The following FAM168B variants were observed in gnomAD, a reference collection of about 807,000 sequenced individuals.
FAM168B encodes the protein family with sequence similarity 168 member B, also known as myelin-associated neurite-outgrowth inhibitor.
In FAM168B, 19 loss-of-function variants were observed where a neutral mutation model predicts 21.8. The observed-to-expected ratio is 0.87, with a 90% CI of 0.61 to 1.28. The LOEUF (loss-of-function observed/expected upper bound fraction) is 1.28, where lower values mean the gene tolerates loss of function less well. FAM168B is among the 50% of genes most tolerant of loss of function. The probability of loss-of-function intolerance (pLI) is 0.00; values close to 1 mark genes in which losing one functional copy is unlikely to be tolerated. For missense variants in FAM168B, 233 were observed against 263.1 expected, an observed-to-expected ratio of 0.89 and a Z score of 0.79; for synonymous variants, 126 against 104.8, an observed-to-expected ratio of 1.20 and a Z score of -1.24.
chr2:131,087,375 C>T lies in FAM168B; in HGVS notation c.-11-4718G>A, dbSNP rs1000086550. 7.9e-5 allele frequency among the ~76,000 whole-genome samples: 12 copies of T among 151,758 alleles called. No individual in the cohort carries two copies. In the East Asian group the frequency reaches 1.4e-3, roughly 17 times the overall value. On this transcript the variant is annotated intron_variant, in intron 1 of 6. Transcript: ENST00000389915. ...TAATCCCAGCTACACAGGAGGCTGA[C>T]GCAGGAGAATCACTTGAATCTGGGA...
In FAM168B at chr2:131,048,058, T is replaced by A. The variant is rs576517224; in HGVS notation, c.*4407A>T. 1.1e-5 allele frequency: 6 copies of A among 548,750 alleles called. No individual in the cohort carries two copies. In the East Asian group the frequency reaches 4.8e-4, roughly 44 times the overall value. 34.0% of individuals were successfully genotyped at this position (548,750 alleles called of 1,614,324 possible). Reference sequence around the variant, plus strand: ...AGGATGGAAATTCCATTCCTTGGCATGGATACGTAAGTTCAATGCAGAGGT... The same window carrying A: ...AGGATGGAAATTCCATTCCTTGGCAAGGATACGTAAGTTCAATGCAGAGGT... On this transcript the variant is annotated 3_prime_UTR_variant, in exon 7 of 7. Coordinates refer to ENST00000389915, the MANE Select transcript of FAM168B (RefSeq NM_001009993.4).
chr2:131,058,602 T>C (rs1031367202), intron 3 of FAM168B, among the ~76,000 whole-genome samples: 1 of 152,184 alleles, frequency 6.6e-6, no homozygotes, highest in African/African-American at 2.4e-5. Context: ...TAACCGTAAA[T>C]AGAAACACTG....
chr2:131,092,005 G>T (rs1322991090), intron 1 of FAM168B, among the ~76,000 whole-genome samples: 1 of 151,596 alleles, frequency 6.6e-6, no homozygotes, highest in Admixed American at 6.6e-5. Context: ...TTAGCCAGGC[G>T]TGGTGGCGGG....
intron 1 of FAM168B, among the ~76,000 whole-genome samples, chr2:131,092,312 A>G (rs1694074954): frequency 6.6e-6 from 1 of 152,218 alleles, no homozygotes; most frequent in Non-Finnish European, 1.5e-5. Context: ...CAAAATTAGA[A>G]TAGCCTTACA....
At chr2:131,059,647 T>TAGACTTCAAAGTTGGGAATCTCATTCC (rs1692195250) in intron 3 of FAM168B, among the ~76,000 whole-genome samples, 1 of 152,214 alleles carries the variant, frequency 6.6e-6, no homozygotes, top group South Asian at 2.1e-4. Context: ...GAACAGATGC[T>TAGACTTCAAAGTTGGGAATCTCATTCC]AGACTTCAAA....
At chr2:131,084,140 T>TCCG (rs1016793811) in intron 1 of FAM168B, among the ~76,000 whole-genome samples, 2 of 151,890 alleles carry the variant, frequency 1.3e-5, no homozygotes, top group African/African-American at 4.8e-5. Flanking sequence ...GACCTCGTGA[T>TCCG]CCGCCCACCT....
In FAM168B at chr2:131,049,381, C is replaced by T. The variant is rs1310337714; in HGVS notation, c.*3084G>A. 1.1e-5 allele frequency: 11 copies of T among 985,338 alleles called. No individual in the cohort carries two copies. The highest frequency in any genetic ancestry group is 2.3e-4 in the East Asian group (2 of 8,828). 61.0% of individuals were successfully genotyped at this position (985,338 alleles called of 1,614,324 possible). A position where few individuals can be genotyped will look rare whatever the true frequency, so the allele number is the denominator to read the frequency against. On this transcript the variant is annotated 3_prime_UTR_variant, in exon 7 of 7. Coordinates refer to ENST00000389915, the MANE Select transcript of FAM168B (RefSeq NM_001009993.4). ...CACTCAAGAAGGTTTCCCAGAATAG[C>T]GACAGGTAGGCCTACAAACCACACC...
rs1388182439 is a variant in FAM168B at position 131,069,813 on chromosome 2, G to T, written c.154+2042C>A. Among the ~76,000 whole-genome samples, 3 of 147,314 alleles carry T rather than the reference G, an allele frequency of 2.0e-5. No homozygotes were observed. The East Asian group carries it at 6.4e-4, about 31-fold the overall frequency. ...CAGCCAAGTTACACAGGTTTATTAA[G>T]TATGGTACCAAAAGCATGATCCATA... On this transcript the variant is annotated intron_variant, in intron 3 of 6. Coordinates refer to ENST00000389915, the MANE Select transcript of FAM168B (RefSeq NM_001009993.4).
chr2:131,060,663 T>C (rs1573762529), intron 3 of FAM168B, among the ~76,000 whole-genome samples: 1 of 152,120 alleles, frequency 6.6e-6, no homozygotes, highest in African/African-American at 2.4e-5. Flanking sequence ...ACCTCACTCA[T>C]GTTAGGGAGG....
chr2:131,075,516 A>G (rs1434948704), intron 2 of FAM168B, among the ~76,000 whole-genome samples: 1 of 148,746 alleles, frequency 6.7e-6, no homozygotes, highest in Non-Finnish European at 1.5e-5. Context: ...TTTTTTTGAG[A>G]CGGAGTCTTG....
At chr2:131,065,046 G>A (rs75305659) in intron 3 of FAM168B, among the ~76,000 whole-genome samples, 254 of 152,310 alleles carry the variant, frequency 1.7e-3, no homozygotes, top group African/African-American at 5.8e-3. Context: ...ACACAGCCGT[G>A]AACAGTGCTG....
At chr2:131,089,799 C>T (rs1168713427) in intron 1 of FAM168B, among the ~76,000 whole-genome samples, 10 of 151,800 alleles carry the variant, frequency 6.6e-5, no homozygotes, top group Admixed American at 2.6e-4. Context: ...TTTGGGAGGC[C>T]AAGGTGGGCA....
chr2:131,062,470 C>T (rs1309753374), intron 3 of FAM168B, among the ~76,000 whole-genome samples: 7 of 152,172 alleles, frequency 4.6e-5, no homozygotes, highest in Admixed American at 2.6e-4. Context: ...TGTTTTGAGA[C>T]GGAGTCTCGC....
At chr2:131,086,172 G>T (rs1693690016) in intron 1 of FAM168B, among the ~76,000 whole-genome samples, 1 of 152,138 alleles carries the variant, frequency 6.6e-6, no homozygotes, top group Non-Finnish European at 1.5e-5. Context: ...AATTGTGGGG[G>T]TCTGCAAATA....
At chr2:131,089,745 A>C (rs1476750857) in intron 1 of FAM168B, among the ~76,000 whole-genome samples, 1 of 150,910 alleles carries the variant, frequency 6.6e-6, no homozygotes, top group Non-Finnish European at 1.5e-5. Context: ...AGAAAAAAGA[A>C]AGACCTGGCT....
intron 1 of FAM168B, among the ~76,000 whole-genome samples, chr2:131,091,491 C>A (rs1316318934): frequency 1.3e-5 from 2 of 150,048 alleles, no homozygotes; most frequent in African/African-American, 4.9e-5. Context: ...ACTAAAAATA[C>A]AAAAAATTAG....
chr2:131,090,151 C>CAAAAAAAAA (rs59428455), intron 1 of FAM168B, among the ~76,000 whole-genome samples: 12 of 119,000 alleles, frequency 1.0e-4, no homozygotes, highest in East Asian at 4.8e-4. Context: ...ACCAAAAATA[C>CAAAAAAAAA]AAAAAAAAAA....
chr2:131,071,291 C>T (rs764159436), intron 3 of FAM168B, among the ~76,000 whole-genome samples: 10 of 152,094 alleles, frequency 6.6e-5, no homozygotes, highest in Admixed American at 2.6e-4. Context: ...GGCAAAGCCC[C>T]GTGTGGGTGA....
intron 2 of FAM168B, among the ~76,000 whole-genome samples, chr2:131,076,352 G>C (rs1433318730): frequency 6.6e-6 from 1 of 152,076 alleles, no homozygotes; most frequent in Non-Finnish European, 1.5e-5. Context: ...TCCCAAACCT[G>C]AATCATTTCT....
Sources: gnomAD v4.1 joint callset for allele counts (sites outside exome capture counted in the v4.1 genomes callset) on GRCh38, gnomAD v4.1.1 for gene constraint, MANE v1.5 for transcripts, NCBI Gene and HGNC (gene_info 2026-07-23, HGNC 2026-07-21) for gene names.